MARK3: variants seen among roughly 807,000 people sequenced by gnomAD.
MARK3 encodes the protein microtubule affinity regulating kinase 3.
A neutral mutation model predicts 90.1 loss-of-function variants in MARK3; 46 were observed. That is an observed-to-expected ratio of 0.51 (90% CI 0.40 to 0.65). The LOEUF (loss-of-function observed/expected upper bound fraction) is 0.65. MARK3 is among the 30% of genes least tolerant of loss of function. MARK3 has a pLI of 0.00. For missense variants in MARK3, 818 were observed against 947.2 expected (o/e 0.86, Z 1.79); for synonymous variants, 321 against 332.6 (o/e 0.97, Z 0.38).
At chr14:103,391,692 C>T (rs113135977) in intron 1 of MARK3, among the ~76,000 whole-genome samples, 37,570 of 147,126 alleles carry the variant, frequency 0.26, 6,041 homozygotes, top group Middle Eastern at 0.43. Context: ...TACAGGCTCC[C>T]GCCACCATGC....
At chr14:103,409,710 G>A (rs2091522721) in intron 2 of MARK3, among the ~76,000 whole-genome samples, 1 of 152,022 alleles carries the variant, frequency 6.6e-6, no homozygotes, top group Non-Finnish European at 1.5e-5. Flanking sequence ...CATGATGACA[G>A]TTTTTTTACT....
intron 17 of MARK3, among the ~76,000 whole-genome samples, 168 bp from the exon 18 acceptor site, chr14:103,502,714 A>G (rs183613033): frequency 5.9e-4 from 90 of 152,358 alleles, no homozygotes; most frequent in Non-Finnish European, 2.1e-4. Flanking sequence ...GGGTGAGGGA[A>G]GAAAATAGAC....
intron 3 of MARK3, chr14:103,441,504 T>A (rs3783396): frequency 0.28 from 42,967 of 152,134 alleles, 7,244 homozygotes; most frequent in Non-Finnish European, 0.36. Flanking sequence ...TCCAGGATGG[T>A]CTCGATCTCC....
rs1297632966 is a variant in MARK3, at chr14:103,466,439, A to G, written c.994A>G (p.Ile332Val). Residue 332 changes from isoleucine to valine, a missense_variant, in exon 10 of 18, where the codon ATA becomes GTA. Transcript: ENST00000429436. ...PELDISDQKR[I>V]DIMVGMGYSQ... ...GCTAGACATCTCAGACCAAAAAAGA[A>G]TAGGTAATCACTCCATGCCTGCATG... 2 of 1,603,746 alleles carry G rather than the reference A, an allele frequency of 1.2e-6. No individual in the cohort carries two copies. Among genetic ancestry groups the G allele is most frequent in the Non-Finnish European group, 1.7e-6 (2 of 1,171,186 alleles).
chr14:103,479,713 A>G (rs1018711705), intron 13 of MARK3, among the ~76,000 whole-genome samples: 1 of 138,952 alleles, frequency 7.2e-6, no homozygotes, highest in Admixed American at 7.9e-5. Context: ...GCTCACCGCA[A>G]CCTCTACCTC....
At chr14:103,412,956 C>T (rs1282980876) in intron 2 of MARK3, among the ~76,000 whole-genome samples, 1 of 151,400 alleles carries the variant, frequency 6.6e-6, no homozygotes, top group African/African-American at 2.4e-5. Flanking sequence ...CTCACCACAA[C>T]CTCCGCCTCC....
chr14:103,467,336 T>G (rs1163210426), intron 11 of MARK3, 145 bp downstream of exon 11: 17 of 508,362 alleles, frequency 3.3e-5, no homozygotes, highest in Non-Finnish European at 4.9e-5. Context: ...ATCTAAATCC[T>G]ATGACTATTA....
At chr14:103,460,559 A>C (rs2093381408) in intron 6 of MARK3, among the ~76,000 whole-genome samples, 1 of 152,182 alleles carries the variant, frequency 6.6e-6, no homozygotes, top group South Asian at 2.1e-4. Context: ...CAGTAAGTTC[A>C]AGTTGAGTCT....
rs1045943332 is a variant in MARK3 at position 103,395,316 on chromosome 14, G to A, written c.51+9236G>A. Among the ~76,000 whole-genome samples the A allele has an allele frequency of 5.9e-5, 9 of 152,020 alleles. No homozygotes were observed. In the East Asian group the frequency reaches 7.7e-4, roughly 13 times the overall value. Reference sequence around the variant, plus strand: ...GATTTAACTGTGGACAAATTCACTCGGCTGTGCCTCATGGTTTTTTTTTTT... The same window carrying A: ...GATTTAACTGTGGACAAATTCACTCAGCTGTGCCTCATGGTTTTTTTTTTT... On this transcript the variant is annotated intron_variant, in intron 1 of 17. Transcript: ENST00000429436.
At position 103,476,854 on chromosome 14, in the gene MARK3, T is replaced by C. The variant is rs79033042; in HGVS notation, c.1482+1644T>C. The stretch of plus-strand genomic sequence containing the variant: ...CGAAGTAAACCCTGTGTGAAAAGTT[T>C]ATTTTGGCCTCCAAATGCCATACAG... On this transcript the variant is annotated intron_variant, in intron 13 of 17. Transcript: ENST00000429436. 6.6e-3 allele frequency among the ~76,000 whole-genome samples: 1,000 copies of C among 152,334 alleles called. 9 individuals are homozygous for C. The highest frequency in any genetic ancestry group is 0.023 in the African/African-American group (953 of 41,572).
chr14:103,416,816 C>T (rs538417704), intron 2 of MARK3, among the ~76,000 whole-genome samples: 1 of 152,118 alleles, frequency 6.6e-6, no homozygotes, highest in East Asian at 1.9e-4. Context: ...AGGAGGAAAG[C>T]AGAGGGTGCC....
At chr14:103,477,498 TA>T (rs143455060) in intron 13 of MARK3, among the ~76,000 whole-genome samples, 12 of 146,500 alleles carry the variant, frequency 8.2e-5, no homozygotes, top group South Asian at 4.4e-4. Flanking sequence ...TCTCAAAAAA[TA>T]AAAAAAAAAG....
Position 103,451,972 on chromosome 14 carries a change from A to G in MARK3, c.401A>G (p.Tyr134Cys). The change falls in exon 5 of 18, where the codon TAT becomes TGT. Residue 134 changes from tyrosine to cysteine, a missense_variant. Around this residue, in one of 3 missense-constraint regions of MARK3, gnomAD observed 101 missense variants for 175.1 expected, o/e 0.58. Coordinates refer to ENST00000429436, the MANE Select transcript of MARK3 (RefSeq NM_001128918.3). ...AAAACACTCTACCTAATCATGGAAT[A>G]TGCAAGTGGAGGTAAGAACATTTTT... ...TEKTLYLIME[Y>C]ASGGEVFDYL... 1 of 1,608,126 alleles carries G rather than the reference A, an allele frequency of 6.2e-7. No homozygotes were observed. The highest frequency in any genetic ancestry group is 8.5e-7 in the Non-Finnish European group (1 of 1,176,116).
chr14:103,469,877 G>A (rs1288371168), intron 12 of MARK3, among the ~76,000 whole-genome samples: 4 of 151,722 alleles, frequency 2.6e-5, no homozygotes, highest in South Asian at 2.1e-4. Context: ...CCTGACCAAC[G>A]TGGTGAAACC....
At chr14:103,462,524 C>T in intron 7 of MARK3, 63 bp downstream of exon 7, 1 of 1,254,988 alleles carries the variant, frequency 8.0e-7, no homozygotes, top group Non-Finnish European at 1.1e-6. Flanking sequence ...TCTCAGTGGT[C>T]ATTACACAAA....
chr14:103,451,865 T>C, intron 4 of MARK3, 53 bp from the exon 5 acceptor site: 1 of 1,261,502 alleles, frequency 7.9e-7, no homozygotes, highest in South Asian at 1.3e-5. Context: ...GTGCATGGTT[T>C]GTGCATACAG....
intron 16 of MARK3, chr14:103,499,191 G>A (rs7160208): frequency 0.34 from 51,435 of 152,078 alleles, 9,065 homozygotes; most frequent in Middle Eastern, 0.46. Context: ...TATTTTTTAG[G>A]CCAGGCATGG....
rs563746913 is a variant in MARK3 at position 103,432,607 on chromosome 14, T to TG, written c.297+4171dup. ...GGCTCACTCCTGTAATCCCAGCACT[T>TG]GGGGAGCCTGAGGCGAGAGGATCAC... On this transcript the variant is annotated intron_variant, in intron 3 of 17. Transcript: ENST00000429436. Among the ~76,000 whole-genome samples the TG allele has an allele frequency of 1.2e-4, 18 of 152,050 alleles. No homozygotes were observed. In the East Asian group the frequency reaches 3.5e-3, roughly 29 times the overall value.
At chr14:103,422,773 T>C (rs949977685) in intron 2 of MARK3, among the ~76,000 whole-genome samples, 1 of 152,244 alleles carries the variant, frequency 6.6e-6, no homozygotes, top group African/African-American at 2.4e-5. Context: ...CTCTACTTCA[T>C]GCTTGTGATA....
Sources: allele counts gnomAD v4.1 joint callset (sites outside exome capture counted in the v4.1 genomes callset), GRCh38; gene constraint gnomAD v4.1.1; regional missense constraint gnomAD v4.1.1; transcripts MANE v1.5; gene names NCBI Gene and HGNC (gene_info 2026-07-23, HGNC 2026-07-21).